Variants in FAT1 observed in about 807,000 individuals in gnomAD.
FAT1 encodes the protein FAT atypical cadherin 1.
In FAT1, 171 loss-of-function variants were observed where a neutral mutation model predicts 329.8. That is an observed-to-expected ratio of 0.52 (90% CI 0.46 to 0.59). The LOEUF (loss-of-function observed/expected upper bound fraction) is 0.59, where lower values mean the gene tolerates loss of function less well. FAT1 is among the 20% of genes least tolerant of loss of function. The pLI, the probability that FAT1 is intolerant of heterozygous loss-of-function variation, is 0.00. For synonymous variants in FAT1, 2,233 were observed against 2,228.6 expected (o/e 1.00, Z -0.06); for missense variants, 5,672 against 5,774.4 (o/e 0.98, Z 0.57).
At chr4:186,658,393 A>G (rs1335048269) in intron 3 of FAT1, among the ~76,000 whole-genome samples, 1 of 152,074 alleles carries the variant, frequency 6.6e-6, no homozygotes, top group Non-Finnish European at 1.5e-5. Flanking sequence ...CACTCACTAA[A>G]CCCACTCCTA....
intron 26 of FAT1, among the ~76,000 whole-genome samples, chr4:186,594,571 C>G (rs549599071): frequency 6.7e-6 from 1 of 148,740 alleles, no homozygotes; most frequent in South Asian, 2.1e-4. Flanking sequence ...TGTCCATACA[C>G]CCTATTCCTA....
chr4:186,684,221 T>C (rs1023175630), intron 2 of FAT1, among the ~76,000 whole-genome samples: 8 of 152,226 alleles, frequency 5.3e-5, no homozygotes, highest in African/African-American at 7.2e-5. Context: ...CTATGGGTAT[T>C]TGACAATATT....
At position 186,619,535 on chromosome 4, in the gene FAT1, C is replaced by T. The variant is rs544202909; in HGVS notation, c.7051G>A (p.Glu2351Lys). ...LISLLRTLDY[E>K]QSRQHTIFVR... ...AAAATCGTGTGCTGCCGGGACTGCTCGTAATCCAGGGTTCTGAGTAGTGAG... is the reference window on the plus strand; with the variant it reads ...AAAATCGTGTGCTGCCGGGACTGCTTGTAATCCAGGGTTCTGAGTAGTGAG... The change falls in exon 10 of 27, where the codon GAG (glutamate) becomes AAG (lysine). Residue 2351 changes from glutamate to lysine, a missense_variant. Transcript: ENST00000441802. The T allele has an allele frequency of 9.3e-6, 15 of 1,613,818 alleles. No homozygotes were observed. Among genetic ancestry groups the T allele is most frequent in the East Asian group, 2.2e-5 (1 of 44,886 alleles).
rs1739864005 is a variant in FAT1 at position 186,618,802 on chromosome 4, T to A, written c.7784A>T (p.Gln2595Leu). 1.2e-6 allele frequency: 2 copies of A among 1,614,020 alleles called. No homozygotes were observed. Among genetic ancestry groups the A allele is most frequent in the Non-Finnish European group, 1.7e-6 (2 of 1,179,892 alleles). The stretch of plus-strand genomic sequence containing the variant: ...CACTTCGTATTTGGTTGCTCGAAAT[T>A]GTGGTGCATTGTCATTGTCATCTGT... ...ILTDDNDNAP[Q>L]FRATKYEVNI... The change falls in exon 10 of 27, where the codon CAA becomes CTA. Residue 2595 changes from glutamine to leucine, a missense_variant. Physicochemically the swap from Gln to Leu is moderately radical, Grantham distance 113. Transcript: ENST00000441802.
chr4:186,677,546 T>C (rs1201015839), intron 2 of FAT1, among the ~76,000 whole-genome samples: 2 of 152,062 alleles, frequency 1.3e-5, no homozygotes, highest in African/African-American at 2.4e-5. Flanking sequence ...TCTAATTTTA[T>C]ATATGTTTTG....
At chr4:186,634,024 G>A (rs775536886) in intron 6 of FAT1, among the ~76,000 whole-genome samples, 17 of 152,156 alleles carry the variant, frequency 1.1e-4, no homozygotes, top group Non-Finnish European at 2.2e-4. Context: ...AATTGTCCAG[G>A]AAGCAACTAA....
At chr4:186,713,710 C>T (rs748539371) in intron 1 of FAT1, among the ~76,000 whole-genome samples, 1 of 152,104 alleles carries the variant, frequency 6.6e-6, no homozygotes, top group Non-Finnish European at 1.5e-5. Flanking sequence ...GGCTGGAGTG[C>T]AGTGGCGCGA....
chr4:186,723,326 G>C (rs9685361), intron 1 of FAT1, among the ~76,000 whole-genome samples: 5 of 152,306 alleles, frequency 3.3e-5, no homozygotes, highest in Admixed American at 1.3e-4. Flanking sequence ...TTTCGCAGAC[G>C]GCGGGATGCC....
chr4:186,719,926 T>A (rs1435465438), intron 1 of FAT1, among the ~76,000 whole-genome samples: 1 of 152,262 alleles, frequency 6.6e-6, no homozygotes, highest in Non-Finnish European at 1.5e-5. Context: ...AACTTCTTTG[T>A]GATATTATTC....
At chr4:186,670,034 A>G (rs770839546) in intron 2 of FAT1, among the ~76,000 whole-genome samples, 10 of 152,232 alleles carry the variant, frequency 6.6e-5, no homozygotes, top group Non-Finnish European at 2.9e-5. Context: ...ATAAAGTTAT[A>G]GCTATGATGT....
chr4:186,605,217 A>G (rs1027174121), intron 17 of FAT1, among the ~76,000 whole-genome samples: 11 of 56,466 alleles, frequency 1.9e-4, no homozygotes, highest in Non-Finnish European at 2.9e-4. Context: ...TCCATCTCAG[A>G]AAAAAAAAAA....
At chr4:186,698,040 G>A (rs1252882059) in intron 2 of FAT1, among the ~76,000 whole-genome samples, 1 of 152,306 alleles carries the variant, frequency 6.6e-6, no homozygotes, top group East Asian at 1.9e-4. Flanking sequence ...ACAAATAGGC[G>A]TCCAGGGTGG....
intron 9 of FAT1, among the ~76,000 whole-genome samples, chr4:186,626,019 A>C: frequency 6.8e-6 from 1 of 146,674 alleles, no homozygotes; most frequent in Non-Finnish European, 1.5e-5. Context: ...CTACAGAATG[A>C]ATGAATGAAT....
intron 3 of FAT1, among the ~76,000 whole-genome samples, chr4:186,642,798 G>C (rs1560960317): frequency 6.6e-6 from 1 of 152,186 alleles, no homozygotes; most frequent in African/African-American, 2.4e-5. Context: ...ATACTAAAGA[G>C]AACAGTGGGC....
Position 186,723,749 on chromosome 4 carries a change from CG to C in FAT1, c.-105del, listed in dbSNP as rs1745573717. On this transcript the variant is annotated 5_prime_UTR_variant, in exon 1 of 27. The change abolishes the stop of an existing upstream ORF in the 5' untranslated region. Transcript: ENST00000441802. ...GCCCCCGAGCAGGGACCGGGCCTGC[CG>C]GGGCCCTCGCCGGGCTCGCGCGTCC... 1 of 151,006 alleles carries C rather than the reference CG, an allele frequency of 6.6e-6. No individual in the cohort carries two copies. Among genetic ancestry groups the C allele is most frequent in the Non-Finnish European group, 1.5e-5 (1 of 67,648 alleles). The allele number at this position is 151,006 out of a possible 1,614,324, so 9.4% of individuals were successfully genotyped here. A position where few individuals can be genotyped will look rare whatever the true frequency, so the allele number is the denominator to read the frequency against.
At chr4:186,605,518 AGG>A (rs1055095732) in intron 17 of FAT1, among the ~76,000 whole-genome samples, 1 of 82,962 alleles carries the variant, frequency 1.2e-5, no homozygotes, top group Non-Finnish European at 2.3e-5. Context: ...AGGAGTGGGG[AGG>A]GGAGTGGGGA....
chr4:186,633,837 A>C lies in FAT1; in HGVS notation c.4184-14T>G, dbSNP rs755569601. 2 of 1,613,966 alleles carry C rather than the reference A, an allele frequency of 1.2e-6. No homozygotes were observed. The highest frequency in any genetic ancestry group is 1.7e-6 in the Non-Finnish European group (2 of 1,179,836). ...CGTAGTTGCCACCTAATTTGGGGAA[A>C]AAAAAGTAAAAACAGGTCACAGGAT... On this transcript the variant is annotated splice_polypyrimidine_tract_variant and intron_variant, in intron 6 of 26. Transcript: ENST00000441802.
intron 2 of FAT1, among the ~76,000 whole-genome samples, chr4:186,677,438 C>T (rs1349408369): frequency 1.3e-5 from 2 of 151,606 alleles, no homozygotes; most frequent in African/African-American, 4.8e-5. Context: ...TAAGGCAAAA[C>T]ATCAATTTGT....
intron 3 of FAT1, among the ~76,000 whole-genome samples, chr4:186,651,234 T>C (rs1419382252): frequency 6.6e-6 from 1 of 151,964 alleles, no homozygotes; most frequent in Non-Finnish European, 1.5e-5. Flanking sequence ...AGATAGCACC[T>C]GACTGTCCCT....
Sources: gnomAD v4.1 joint callset for allele counts (sites outside exome capture counted in the v4.1 genomes callset) on GRCh38, gnomAD v4.1.1 for gene constraint, MANE v1.5 for transcripts, NCBI Gene and HGNC (gene_info 2026-07-23, HGNC 2026-07-21) for gene names.